Variants in C1QTNF3 observed in about 807,000 individuals in gnomAD.
C1QTNF3 encodes C1q and TNF related 3, also known as complement C1q tumor necrosis factor-related protein 3.
Under a neutral mutation model 32.6 loss-of-function variants are expected in C1QTNF3, and 26 were observed. The ratio of observed to expected loss-of-function variants is 0.80; its 90% CI spans 0.58 to 1.11. C1QTNF3 has a LOEUF of 1.11. Among genes scored for constraint, C1QTNF3 ranks in the 50% least tolerant of loss-of-function variants. C1QTNF3 has a pLI of 0.00. For synonymous variants in C1QTNF3, 155 were observed against 146.0 expected (o/e 1.06, Z -0.44); for missense variants, 362 against 398.2 (o/e 0.91, Z 0.77).
At chr5:34,175,839 T>A in the C1QTNF3 span, 1 of 786,208 alleles carries the variant, frequency 1.3e-6, no homozygotes, top group Non-Finnish European at 2.3e-6. Context: ...AGTCATGAAA[T>A]CGGCAAAATT....
the C1QTNF3 span, among the ~76,000 whole-genome samples, chr5:34,142,789 A>C: frequency 6.6e-6 from 1 of 152,174 alleles, no homozygotes; most frequent in Non-Finnish European, 1.5e-5. Flanking sequence ...AACTGACCAT[A>C]CTCAACTTAG....
At chr5:34,110,524 C>A in the C1QTNF3 span, among the ~76,000 whole-genome samples, 3 of 150,560 alleles carry the variant, frequency 2.0e-5, no homozygotes, top group African/African-American at 4.9e-5. Context: ...AAGTTTCCTA[C>A]GTATCATTAA....
chr5:34,221,942 T>C, the C1QTNF3 span, among the ~76,000 whole-genome samples: 1 of 152,038 alleles, frequency 6.6e-6, no homozygotes, highest in African/African-American at 2.4e-5. Flanking sequence ...TCTTAGGGGC[T>C]GAGGAATAGC....
At chr5:34,069,039 A>G in the C1QTNF3 span, among the ~76,000 whole-genome samples, 16 of 146,402 alleles carry the variant, frequency 1.1e-4, no homozygotes, top group Admixed American at 4.2e-4. Flanking sequence ...TAACCTTTTC[A>G]TTAGTTAGAT....
the C1QTNF3 span, among the ~76,000 whole-genome samples, chr5:34,196,817 G>A: frequency 2.0e-5 from 3 of 151,658 alleles, no homozygotes; most frequent in South Asian, 2.1e-4. Flanking sequence ...CCGCCACCAC[G>A]CCCGGCTAAT....
At chr5:34,224,638 T>C in the C1QTNF3 span, among the ~76,000 whole-genome samples, 1 of 152,164 alleles carries the variant, frequency 6.6e-6, no homozygotes. Flanking sequence ...TTACACCTTA[T>C]ACAAAAATTA....
the C1QTNF3 span, among the ~76,000 whole-genome samples, chr5:34,078,465 GAGA>G: frequency 1.3e-5 from 2 of 151,824 alleles, no homozygotes; most frequent in Admixed American, 6.5e-5. The surrounding 1 kb of genome is among the most constrained non-coding windows in gnomAD (Gnocchi z 4.0). Flanking sequence ...GGCAGGAGGA[GAGA>G]AGGAGAACAG....
chr5:34,112,681 CA>C, the C1QTNF3 span, among the ~76,000 whole-genome samples: 4 of 151,614 alleles, frequency 2.6e-5, no homozygotes, highest in Non-Finnish European at 4.4e-5. Context: ...AACAAACAGA[CA>C]AAAAAAACCA....
At chr5:34,059,150 C>T in the C1QTNF3 span, among the ~76,000 whole-genome samples, 3 of 152,160 alleles carry the variant, frequency 2.0e-5, no homozygotes, top group African/African-American at 7.2e-5. Flanking sequence ...CGTTTATTTT[C>T]TCACAGTTTT....
the C1QTNF3 span, among the ~76,000 whole-genome samples, chr5:34,058,832 T>A: frequency 6.6e-6 from 1 of 152,340 alleles, no homozygotes; most frequent in Middle Eastern, 3.4e-3. Context: ...TTTCGATCAG[T>A]AAATCTGAGA....
chr5:34,145,641 A>G, the C1QTNF3 span, among the ~76,000 whole-genome samples: 1 of 148,800 alleles, frequency 6.7e-6, no homozygotes, highest in Non-Finnish European at 1.5e-5. Context: ...TTATGAAACC[A>G]GCATCAACCT....
At chr5:34,194,753 C>T in the C1QTNF3 span, among the ~76,000 whole-genome samples, 6 of 152,420 alleles carry the variant, frequency 3.9e-5, no homozygotes, top group East Asian at 7.7e-4. Context: ...GGACTAGTTT[C>T]AGGATCTCCT....
chr5:34,137,010 T>G, the C1QTNF3 span, among the ~76,000 whole-genome samples: 1 of 149,016 alleles, frequency 6.7e-6, no homozygotes. Flanking sequence ...GGTGGGGGCC[T>G]GGGGGAGGGA....
the C1QTNF3 span, among the ~76,000 whole-genome samples, chr5:34,130,150 CATACATACATATATAAATAT>C: frequency 2.7e-5 from 4 of 150,564 alleles, no homozygotes; most frequent in Admixed American, 1.3e-4. Flanking sequence ...CACACACACA[CATACATACATATATAAATAT>C]ATATGTGCAT....
the C1QTNF3 span, among the ~76,000 whole-genome samples, chr5:34,070,839 T>C: frequency 1.3e-4 from 20 of 152,124 alleles, no homozygotes; most frequent in African/African-American, 4.8e-4. Context: ...AAGCAATTTA[T>C]TTTAGGCTAA....
chr5:34,177,920 G>A, the C1QTNF3 span, among the ~76,000 whole-genome samples: 1 of 151,988 alleles, frequency 6.6e-6, no homozygotes, highest in Non-Finnish European at 1.5e-5. Context: ...ACCACACCCA[G>A]CACTGCAGAG....
chr5:34,078,322 C>T, the C1QTNF3 span, among the ~76,000 whole-genome samples: 3 of 151,910 alleles, frequency 2.0e-5, no homozygotes, highest in South Asian at 6.2e-4. This position sits in a 1 kb window ranked among gnomAD's most constrained non-coding sequence, Gnocchi z 4.0. Flanking sequence ...AATTTTCCCA[C>T]TGCTGTAAAG....
At chr5:34,109,674 A>T in the C1QTNF3 span, among the ~76,000 whole-genome samples, 2 of 152,170 alleles carry the variant, frequency 1.3e-5, no homozygotes, top group Non-Finnish European at 2.9e-5. Context: ...CCTAAAGTTC[A>T]AGAAGAGGGA....
the C1QTNF3 span, among the ~76,000 whole-genome samples, chr5:34,194,140 C>T: frequency 3.3e-5 from 5 of 152,214 alleles, no homozygotes; most frequent in African/African-American, 1.2e-4. Flanking sequence ...ATTCTGGCTC[C>T]GTTAACTATT....
Sources: gnomAD v4.1 joint callset for allele counts (sites outside exome capture counted in the v4.1 genomes callset) on GRCh38, gnomAD v4.1.1 for gene constraint, Gnocchi (gnomAD v3.1) non-coding constraint, MANE v1.5 for transcripts, NCBI Gene and HGNC (gene_info 2026-07-23, HGNC 2026-07-21) for gene names.